The following TTC39C variants were observed in gnomAD, a reference collection of about 807,000 sequenced individuals.
TTC39C encodes tetratricopeptide repeat protein 39C.
Under a neutral mutation model 76.3 loss-of-function variants are expected in TTC39C, and 33 were observed. The observed-to-expected ratio is 0.43, with a 90% CI of 0.33 to 0.58. The LOEUF is 0.58. Ranked by LOEUF, TTC39C falls within the 20% of genes least tolerant of loss-of-function variation. The probability of loss-of-function intolerance (pLI) is 0.04; values close to 1 mark genes in which losing one functional copy is unlikely to be tolerated. For missense variants in TTC39C, 595 were observed against 701.4 expected, an observed-to-expected ratio of 0.85 and a Z score of 1.71; for synonymous variants, 254 against 260.6, an observed-to-expected ratio of 0.97 and a Z score of 0.24.
intron 4 of TTC39C, among the ~76,000 whole-genome samples, chr18:24,075,527 A>T (rs1197257423): frequency 1.3e-5 from 2 of 151,894 alleles, no homozygotes; most frequent in Non-Finnish European, 2.9e-5. Context: ...TACTAAAAAT[A>T]CAAAAAATCA....
At chr18:24,070,445 T>G (rs2084223993) in intron 4 of TTC39C, among the ~76,000 whole-genome samples, 3 of 152,166 alleles carry the variant, frequency 2.0e-5, no homozygotes, top group African/African-American at 7.2e-5. Context: ...TATAAAAGAG[T>G]ACCAGAGCTT....
At chr18:24,023,993 TATATATA>T (rs2083561236) in intron 1 of TTC39C, among the ~76,000 whole-genome samples, 1 of 5,894 alleles carries the variant, frequency 1.7e-4, no homozygotes, top group African/African-American at 5.6e-4. Flanking sequence ...TATATATATA[TATATATA>T]TATATATATA....
intron 1 of TTC39C, among the ~76,000 whole-genome samples, chr18:24,044,052 TTGTGTGTGTGTGTG>T (rs56233680): frequency 1.6e-4 from 24 of 147,958 alleles, no homozygotes; most frequent in East Asian, 4.0e-4. Context: ...TTGTGTATGT[TTGTGTGTGTGTGTG>T]TGTGTGTGTG....
chr18:24,069,310 A>G (rs759860427), intron 4 of TTC39C, 39 bp downstream of exon 4: 2 of 1,523,002 alleles, frequency 1.3e-6, no homozygotes, highest in Non-Finnish European at 9.1e-7. Flanking sequence ...TTCAGTATTC[A>G]GTGCACACAA....
intron 6 of TTC39C, among the ~76,000 whole-genome samples, chr18:24,105,471 A>G (rs1300866718): frequency 6.6e-6 from 1 of 152,226 alleles, no homozygotes; most frequent in African/African-American, 2.4e-5. Flanking sequence ...ATAGGCATGC[A>G]TATATGAAAT....
chr18:24,134,275 T>TC lies in TTC39C; in HGVS notation c.*1701_*1702insC, dbSNP rs1360866113. The TC allele has an allele frequency of 7.5e-6, 1 of 132,512 alleles. No homozygotes were observed. Among genetic ancestry groups the TC allele is most frequent in the Non-Finnish European group, 1.6e-5 (1 of 62,176 alleles). The allele number at this position is 132,512 out of a possible 1,614,324, so 8.2% of individuals were successfully genotyped here. On this transcript the variant is annotated 3_prime_UTR_variant, in exon 14 of 14. Transcript: ENST00000317571. ...GACATCTGTTTTTTGTTTTTTTTTT[T>TC]TTTTTTTTTTTTTTTTGAGACGGAG...
intron 6 of TTC39C, among the ~76,000 whole-genome samples, chr18:24,102,451 T>A (rs2084688875): frequency 6.6e-6 from 1 of 152,110 alleles, no homozygotes; most frequent in African/African-American, 2.4e-5. Flanking sequence ...ACAAGAAACA[T>A]GGAATTCGGT....
intron 1 of TTC39C, among the ~76,000 whole-genome samples, chr18:23,997,722 G>GAAAGAAAGAAAC (rs1305883486): frequency 2.0e-5 from 3 of 150,364 alleles, no homozygotes; most frequent in South Asian, 2.1e-4. Flanking sequence ...AAGAAAGAAA[G>GAAAGAAAGAAAC]AAACCAAAAC....
At chr18:24,024,572 TAAG>T (rs1214075800) in intron 1 of TTC39C, among the ~76,000 whole-genome samples, 1 of 152,184 alleles carries the variant, frequency 6.6e-6, no homozygotes, top group African/African-American at 2.4e-5. Flanking sequence ...GTGGTTTTAA[TAAG>T]AAGTGTGACA....
At chr18:24,022,777 C>T (rs1316973482) in intron 1 of TTC39C, 1 of 985,270 alleles carries the variant, frequency 1.0e-6, no homozygotes, top group African/African-American at 1.7e-5. Flanking sequence ...GTGGCCCTGT[C>T]TGCTTCCTGT....
At chr18:24,107,888 A>AGG (rs34882392) in intron 6 of TTC39C, among the ~76,000 whole-genome samples, 68,115 of 135,880 alleles carry the variant, frequency 0.5, 18,389 homozygotes, top group Middle Eastern at 0.64. Context: ...CCTCCCAAGT[A>AGG]GGGGGGGGGG....
At chr18:24,111,567 A>C (rs1436215252) in intron 6 of TTC39C, among the ~76,000 whole-genome samples, 1 of 6,572 alleles carries the variant, frequency 1.5e-4, no homozygotes, top group East Asian at 2.8e-3. Context: ...GACTCTGTCT[A>C]AAAAAAAAAA....
chr18:24,058,652 A>C (rs2084048872), intron 1 of TTC39C, among the ~76,000 whole-genome samples: 1 of 152,160 alleles, frequency 6.6e-6, no homozygotes. Flanking sequence ...TGTCTCAAAA[A>C]AAAAATCATT....
chr18:24,131,014 T>C (rs1166588296), intron 12 of TTC39C, among the ~76,000 whole-genome samples: 1 of 49,528 alleles, frequency 2.0e-5, no homozygotes, highest in African/African-American at 1.0e-4. Flanking sequence ...TGAAACCTCA[T>C]CTCTGCAAAA....
intron 4 of TTC39C, among the ~76,000 whole-genome samples, chr18:24,069,720 A>T (rs1202677361): frequency 2.0e-5 from 3 of 152,198 alleles, no homozygotes; most frequent in Admixed American, 6.5e-5. Context: ...AATATACTGG[A>T]ATGACCTGCA....
In TTC39C at chr18:24,014,952, G is replaced by T. The variant is rs1051498081; in HGVS notation, c.81G>T (p.Leu27=). Residue 27 remains leucine (L), a synonymous_variant, in exon 1 of 14, where the codon CTG becomes CTT. Coordinates refer to ENST00000317571, the MANE Select transcript of TTC39C (RefSeq NM_001135993.2). The part of the protein sequence containing the change: ...SDAAAAAAAP[L]QDAELALAGI... ...CGGCAGCGGCGGCGGCGGCGCCCCT[G>T]CAGGACGCGGAGCTGGCCCTGGCCG... 1 of 1,529,662 alleles carries T rather than the reference G, an allele frequency of 6.5e-7. No individual in the cohort carries two copies. The allele number at this position is 1,529,662 out of a possible 1,614,324, so 94.8% of individuals were successfully genotyped here.
chr18:24,043,593 T>C (rs7237188), intron 1 of TTC39C, among the ~76,000 whole-genome samples: 152,317 of 152,342 alleles, frequency 1, 76,146 homozygotes, highest in Middle Eastern at 1. Context: ...GAAGCCCTTC[T>C]CGTCTGCCGC....
At chr18:24,028,531 G>A (rs1263817335) in intron 1 of TTC39C, among the ~76,000 whole-genome samples, 3 of 152,158 alleles carry the variant, frequency 2.0e-5, no homozygotes, top group Non-Finnish European at 2.9e-5. Context: ...AAATTTTCTT[G>A]ACCTATGCTC....
intron 1 of TTC39C, among the ~76,000 whole-genome samples, chr18:24,042,601 G>A (rs1004863215): frequency 3.9e-5 from 6 of 152,114 alleles, no homozygotes; most frequent in African/African-American, 9.7e-5. Flanking sequence ...CTTTATACAC[G>A]TTTTTACGCA....
Sources: allele counts gnomAD v4.1 joint callset (sites outside exome capture counted in the v4.1 genomes callset), GRCh38; gene constraint gnomAD v4.1.1; transcripts MANE v1.5; gene names NCBI Gene and HGNC (gene_info 2026-07-23, HGNC 2026-07-21).